The following SUMF1 variants were observed in gnomAD, a reference collection of about 807,000 sequenced individuals.
SUMF1 encodes the protein sulfatase modifying factor 1.
In SUMF1, 48 loss-of-function variants were observed where a neutral mutation model predicts 47.6. The observed-to-expected ratio is 1.01, with a 90% confidence interval of 0.80 to 1.28. SUMF1 has a LOEUF of 1.28. Among genes scored for constraint, SUMF1 ranks in the 50% most tolerant of loss-of-function variants. The pLI is 0.00. For synonymous variants in SUMF1, 230 were observed against 192.1 expected (o/e 1.20, Z -1.63); for missense variants, 571 against 485.4 (o/e 1.18, Z -1.66).
intron 8 of SUMF1, among the ~76,000 whole-genome samples, chr3:4,180,361 G>A (rs1271149038): frequency 6.6e-6 from 1 of 152,126 alleles, no homozygotes; most frequent in Non-Finnish European, 1.5e-5. Context: ...ATACTATGCA[G>A]CCATAAAAAA....
At chr3:4,416,069 T>C (rs1397913111) in intron 6 of SUMF1, among the ~76,000 whole-genome samples, 1 of 152,198 alleles carries the variant, frequency 6.6e-6, no homozygotes, top group Admixed American at 6.5e-5. Flanking sequence ...GACTAAGACA[T>C]GGCTTTATGA....
chr3:4,332,796 G>T (rs1015190338), intron 8 of SUMF1, among the ~76,000 whole-genome samples: 1 of 152,154 alleles, frequency 6.6e-6, no homozygotes, highest in African/African-American at 2.4e-5. Context: ...GATACCTGCG[G>T]CCCTAAGTGA....
intron 8 of SUMF1, among the ~76,000 whole-genome samples, chr3:4,072,603 G>A (rs376440443): frequency 6.6e-6 from 1 of 152,098 alleles, no homozygotes; most frequent in African/African-American, 2.4e-5. Flanking sequence ...TTAAAGGAAT[G>A]GCTAACTAGA....
chr3:4,316,193 C>T lies in SUMF1; in HGVS notation c.1014+60137G>A, dbSNP rs138297401. On this transcript the variant is annotated intron_variant and NMD_transcript_variant, in intron 8 of 12. Coordinates refer to the SUMF1 transcript ENST00000448413. ...TTTTTTGCTAATGACATCTTACTTGCTGTTTATGTTTATTTTAGACTATGA... is the reference window on the plus strand; with the variant it reads ...TTTTTTGCTAATGACATCTTACTTGTTGTTTATGTTTATTTTAGACTATGA... 1.0e-3 allele frequency: 685 copies of T among 666,864 alleles called. 8 individuals are homozygous for T. The African/African-American group carries it at 0.011, about 10-fold the overall frequency. 41.3% of individuals were successfully genotyped at this position (666,864 alleles called of 1,614,324 possible).
At position 4,467,179 on chromosome 3, in the gene SUMF1, G is replaced by A; in HGVS notation, c.67C>T (p.Leu23=). The A allele has an allele frequency of 6.2e-7, 1 of 1,609,556 alleles. No homozygotes were observed. The highest frequency in any genetic ancestry group is 8.5e-7 in the Non-Finnish European group (1 of 1,178,594). The change falls in exon 1 of 9, where the codon CTG becomes TTG. Residue 23 remains leucine (L), a synonymous_variant. Transcript: ENST00000272902. The part of the protein sequence containing the change: ...CPELGLVLLL[L]LLSLLCGAAG... ...GCTCCACACAGCAGCGAGAGCAGCA[G>A]CAGCAAGAGGACGAGACCCAGCTCA...
chr3:4,322,636 G>A (rs1050714502), intron 8 of SUMF1, among the ~76,000 whole-genome samples: 1 of 151,554 alleles, frequency 6.6e-6, no homozygotes, highest in African/African-American at 2.4e-5. Context: ...CTTCAGCCTG[G>A]GTGAAAGAGG....
At chr3:4,177,644 G>A (rs1236373331) in intron 8 of SUMF1, among the ~76,000 whole-genome samples, 1 of 152,044 alleles carries the variant, frequency 6.6e-6, no homozygotes, top group East Asian at 1.9e-4. Context: ...AGAAGCAAGA[G>A]CAAACACATT....
intron 8 of SUMF1, among the ~76,000 whole-genome samples, chr3:4,142,026 G>A (rs549742166): frequency 6.6e-6 from 1 of 152,122 alleles, no homozygotes; most frequent in East Asian, 1.9e-4. Flanking sequence ...GTTTATAACT[G>A]TGTGCATGAA....
chr3:4,270,222 G>A (rs991266483), intron 8 of SUMF1, among the ~76,000 whole-genome samples: 1 of 152,026 alleles, frequency 6.6e-6, no homozygotes. Flanking sequence ...AGGAGCCTCA[G>A]TATTGAAATA....
At chr3:4,456,771 C>CGTGT (rs375727119) in intron 1 of SUMF1, among the ~76,000 whole-genome samples, 886 of 7,088 alleles carry the variant, frequency 0.12, 6 homozygotes, top group East Asian at 0.16. Context: ...TGTATATATA[C>CGTGT]ACATATATAC....
chr3:4,098,317 A>G (rs1408072145), intron 8 of SUMF1, among the ~76,000 whole-genome samples: 1 of 152,084 alleles, frequency 6.6e-6, no homozygotes, highest in Admixed American at 6.5e-5. Flanking sequence ...CATATCTCTA[A>G]CAAGGTAGAC....
At chr3:4,308,504 A>G (rs1042609853) in intron 8 of SUMF1, among the ~76,000 whole-genome samples, 2 of 152,248 alleles carry the variant, frequency 1.3e-5, no homozygotes, top group Non-Finnish European at 2.9e-5. Flanking sequence ...ATATTTTTAT[A>G]AAGTGCCTGA....
intron 8 of SUMF1, among the ~76,000 whole-genome samples, chr3:4,185,362 C>T (rs1198009952): frequency 6.6e-6 from 1 of 152,108 alleles, no homozygotes. Context: ...AGATAACAGA[C>T]TTATTTTACT....
intron 8 of SUMF1, among the ~76,000 whole-genome samples, chr3:4,110,280 TG>T (rs1260575680): frequency 6.6e-6 from 1 of 152,114 alleles, no homozygotes; most frequent in Non-Finnish European, 1.5e-5. Flanking sequence ...ATCGTTCCTC[TG>T]GAAGTTTTGT....
intron 8 of SUMF1, among the ~76,000 whole-genome samples, chr3:4,138,689 A>C (rs1345422361): frequency 1.3e-5 from 2 of 152,010 alleles, no homozygotes; most frequent in Non-Finnish European, 2.9e-5. Flanking sequence ...TAAGTTTCCT[A>C]TTTGGGCCCC....
chr3:4,371,149 T>C (rs1700155003), intron 8 of SUMF1, among the ~76,000 whole-genome samples: 1 of 152,254 alleles, frequency 6.6e-6, no homozygotes, highest in African/African-American at 2.4e-5. Context: ...TCATTATAAA[T>C]GTCCTCATTG....
intron 8 of SUMF1, among the ~76,000 whole-genome samples, chr3:4,374,406 G>T (rs1217556571): frequency 6.6e-6 from 1 of 152,222 alleles, no homozygotes; most frequent in South Asian, 2.1e-4. Context: ...GAGTTTAAAA[G>T]ATATTTTTAA....
At chr3:4,251,262 A>C (rs893259873) in intron 8 of SUMF1, among the ~76,000 whole-genome samples, 2 of 152,192 alleles carry the variant, frequency 1.3e-5, no homozygotes, top group Non-Finnish European at 2.9e-5. Context: ...TAGCAAATGA[A>C]CTAGAATTAG....
intron 8 of SUMF1, among the ~76,000 whole-genome samples, chr3:4,069,205 C>G (rs1010329640): frequency 6.8e-6 from 1 of 146,572 alleles, no homozygotes; most frequent in African/African-American, 2.5e-5. Context: ...TGGCATGTAA[C>G]AGGCAAACAA....
Sources: allele counts gnomAD v4.1 joint callset (sites outside exome capture counted in the v4.1 genomes callset), GRCh38; gene constraint gnomAD v4.1.1; transcripts MANE v1.5; gene names NCBI Gene and HGNC (gene_info 2026-07-23, HGNC 2026-07-21).